The following PLXNA2 variants were observed in gnomAD, a reference collection of about 807,000 sequenced individuals.
The protein encoded by PLXNA2 is plexin-A2.
In PLXNA2, 91 loss-of-function variants were observed where a neutral mutation model predicts 193.5. The observed-to-expected ratio is 0.47, with a 90% CI of 0.40 to 0.56. The LOEUF (loss-of-function observed/expected upper bound fraction) is 0.56, where lower values mean the gene tolerates loss of function less well. Among genes scored for constraint, PLXNA2 ranks in the 20% least tolerant of loss-of-function variants. PLXNA2 has a pLI of 0.00. For synonymous variants in PLXNA2, 997 were observed against 1,027.3 expected (o/e 0.97, Z 0.56); for missense variants, 1,995 against 2,503.2 (o/e 0.80, Z 4.33).
chr1:208,101,391 C>A (rs1261761882), intron 5 of PLXNA2, among the ~76,000 whole-genome samples: 2 of 152,162 alleles, frequency 1.3e-5, no homozygotes, highest in African/African-American at 4.8e-5. Flanking sequence ...GCAGGAGGGT[C>A]TGGTGAAGAA....
rs1664767266 is a variant in PLXNA2 at position 208,038,974 on chromosome 1, C to G, written c.4511G>C (p.Cys1504Ser). 6.2e-7 allele frequency: 1 copy of G among 1,613,704 alleles called. No individual in the cohort carries two copies. The highest frequency in any genetic ancestry group is 1.3e-5 in the African/African-American group (1 of 74,924). The change falls in exon 25 of 32, where the codon TGC becomes TCC. Residue 1504 changes from cysteine (C) to serine (S), a missense_variant. Transcript: ENST00000367033. The surrounding 1 kb of genome is among the most constrained non-coding windows in gnomAD (Gnocchi z 4.1). ...QIEYKTLILN[C>S]VNPDNENSPE... ...ACTGTTCTCGTTGTCAGGGTTGACG[C>G]AGTTCAGGATCTACAAGTAGGGGAC...
intron 12 of PLXNA2, among the ~76,000 whole-genome samples, chr1:208,077,931 C>T (rs939891422): frequency 2.6e-5 from 4 of 151,956 alleles, no homozygotes; most frequent in South Asian, 2.1e-4. Flanking sequence ...CTGCATTGTC[C>T]GGGATATGGT....
chr1:208,139,363 C>T (rs942168485), intron 4 of PLXNA2, among the ~76,000 whole-genome samples: 1 of 152,150 alleles, frequency 6.6e-6, no homozygotes, highest in African/African-American at 2.4e-5. Flanking sequence ...TGTGTCATGT[C>T]CCCCTGCCCC....
intron 3 of PLXNA2, among the ~76,000 whole-genome samples, chr1:208,179,438 C>T (rs1013437127): frequency 6.6e-6 from 1 of 152,180 alleles, no homozygotes; most frequent in African/African-American, 2.4e-5. Context: ...TCCTCCCTCC[C>T]TTCTGCCGGA....
rs186235283 is a variant in PLXNA2 at position 208,062,523 on chromosome 1, C to T, written c.2587-1686G>A. 6.9e-3 allele frequency among the ~76,000 whole-genome samples: 1,054 copies of T among 152,290 alleles called. 6 individuals are homozygous for T. The highest frequency in any genetic ancestry group is 9.9e-3 in the Non-Finnish European group (673 of 68,012). On this transcript the variant is annotated intron_variant, in intron 12 of 31. Transcript: ENST00000367033. ...CCAGACCTCCTGCCTGTCTATCCTC[C>T]GTAGGCCAAAGATGGTGCTGCCTCC...
At chr1:208,092,578 T>C (rs947840033) in intron 9 of PLXNA2, among the ~76,000 whole-genome samples, 2 of 152,260 alleles carry the variant, frequency 1.3e-5, no homozygotes, top group Non-Finnish European at 2.9e-5. Flanking sequence ...AGGAGTCTAG[T>C]AGACATAGCC....
At chr1:208,157,872 A>G (rs577149512) in intron 3 of PLXNA2, among the ~76,000 whole-genome samples, 3 of 152,364 alleles carry the variant, frequency 2.0e-5, no homozygotes, top group African/African-American at 7.2e-5. Flanking sequence ...TTCTTCTCAT[A>G]GGAGAGAAGG....
At chr1:208,086,789 C>CAAAAA (rs11355579) in intron 9 of PLXNA2, among the ~76,000 whole-genome samples, 3 of 125,878 alleles carry the variant, frequency 2.4e-5, no homozygotes, top group Non-Finnish European at 3.3e-5. Flanking sequence ...TATTTATAGC[C>CAAAAA]AAAAAAAAAA....
intron 3 of PLXNA2, among the ~76,000 whole-genome samples, chr1:208,161,985 G>A (rs961367478): frequency 6.6e-6 from 1 of 152,214 alleles, no homozygotes; most frequent in African/African-American, 2.4e-5. Flanking sequence ...GGAGGAGAGG[G>A]GGAGCAGGAG....
At chr1:208,205,833 G>C (rs1044407052) in intron 3 of PLXNA2, among the ~76,000 whole-genome samples, 19 of 152,146 alleles carry the variant, frequency 1.2e-4, no homozygotes, top group African/African-American at 4.1e-4. Context: ...CGCCTACCCA[G>C]TGGCCCTGTT....
At chr1:208,065,925 A>C (rs986650040) in intron 12 of PLXNA2, among the ~76,000 whole-genome samples, 7 of 152,156 alleles carry the variant, frequency 4.6e-5, no homozygotes, top group Admixed American at 4.6e-4. Flanking sequence ...GCTATCAGCC[A>C]TTCTGGGGTA....
intron 3 of PLXNA2, among the ~76,000 whole-genome samples, chr1:208,161,398 T>A (rs984254752): frequency 6.6e-6 from 1 of 152,220 alleles, no homozygotes; most frequent in Non-Finnish European, 1.5e-5. Context: ...ATTTTTTGCT[T>A]CTTCAAAGAA....
At chr1:208,204,897 C>T (rs564930603) in intron 3 of PLXNA2, among the ~76,000 whole-genome samples, 25 of 152,252 alleles carry the variant, frequency 1.6e-4, no homozygotes, top group African/African-American at 6.0e-4. Flanking sequence ...GAAGAGGTTT[C>T]TGGTGGGGAT....
chr1:208,034,873 T>A (rs1267005480), intron 26 of PLXNA2, among the ~76,000 whole-genome samples: 2 of 152,200 alleles, frequency 1.3e-5, no homozygotes, highest in African/African-American at 4.8e-5. Flanking sequence ...GTGCTATAAA[T>A]ATACATTACA....
intron 4 of PLXNA2, among the ~76,000 whole-genome samples, chr1:208,117,613 T>C (rs762452909): frequency 6.6e-6 from 1 of 152,104 alleles, no homozygotes; most frequent in Non-Finnish European, 1.5e-5. Context: ...GCTGCAGCCA[T>C]GGAATGGTTC....
In PLXNA2 at chr1:208,209,983, ATTTT is replaced by A. The variant is rs1553297870; in HGVS notation, c.1371+293_1371+296del. 2.5e-3 allele frequency: 217 copies of A among 87,884 alleles called. 8 individuals are homozygous for A. The highest frequency in any genetic ancestry group is 0.011 in the South Asian group (42 of 3,944). The allele number at this position is 87,884 out of a possible 1,614,324, so 5.4% of individuals were successfully genotyped here. On this transcript the variant is annotated intron_variant, in intron 3 of 31. Transcript: ENST00000367033. ...TTGCTTGATTTGGGAATGAAGAGCA[ATTTT>A]TTTTTTTTTTTTTTTTTGCTTTTGC...
chr1:208,167,689 CT>C (rs1669354244), intron 3 of PLXNA2, among the ~76,000 whole-genome samples: 1 of 152,254 alleles, frequency 6.6e-6, no homozygotes, highest in Non-Finnish European at 1.5e-5. Flanking sequence ...GTGCCATCAG[CT>C]GCGCTCTTCC....
intron 29 of PLXNA2, 182 bp from the exon 30 acceptor site, chr1:208,029,224 G>T (rs1664428143): frequency 3.5e-6 from 5 of 1,422,100 alleles, no homozygotes; most frequent in Non-Finnish European, 3.7e-6. Context: ...TGGGAGAAAT[G>T]GAAGGAGAGG....
At chr1:208,145,685 T>A (rs734149) in intron 3 of PLXNA2, among the ~76,000 whole-genome samples, 1 of 152,182 alleles carries the variant, frequency 6.6e-6, no homozygotes, top group Non-Finnish European at 1.5e-5. Flanking sequence ...CATCACATTG[T>A]CTGCTGCATT....
Sources: gnomAD v4.1 joint callset for allele counts (sites outside exome capture counted in the v4.1 genomes callset) on GRCh38, gnomAD v4.1.1 for gene constraint, Gnocchi (gnomAD v3.1) non-coding constraint, MANE v1.5 for transcripts, NCBI Gene and HGNC (gene_info 2026-07-23, HGNC 2026-07-21) for gene names.